Variants in PRKCE observed in about 807,000 individuals in gnomAD.
The protein encoded by PRKCE is protein kinase C epsilon.
A neutral mutation model predicts 85.4 loss-of-function variants in PRKCE; 16 were observed. The observed-to-expected ratio is 0.19, with a 90% CI of 0.13 to 0.28. The LOEUF (loss-of-function observed/expected upper bound fraction) is 0.28. Ranked by LOEUF, PRKCE falls within the 10% of genes least tolerant of loss-of-function variation. PRKCE has a pLI of 1.00. For missense variants in PRKCE, 573 were observed against 975.2 expected (o/e 0.59, Z 5.49); for synonymous variants, 388 against 371.5 (o/e 1.04, Z -0.51).
chr2:46,086,544 TTGAA>T (rs1250232563), intron 11 of PRKCE, among the ~76,000 whole-genome samples, 182 bp downstream of exon 11: 2 of 152,216 alleles, frequency 1.3e-5, no homozygotes, highest in Non-Finnish European at 2.9e-5. Flanking sequence ...ATGTTAGTAT[TTGAA>T]TGGCCCTGGG....
intron 10 of PRKCE, among the ~76,000 whole-genome samples, chr2:46,070,833 G>A (rs1374152496): frequency 6.6e-5 from 10 of 152,252 alleles, no homozygotes; most frequent in Non-Finnish European, 1.2e-4. Context: ...CTGTATCTTT[G>A]TGTCAAATGT....
intron 11 of PRKCE, among the ~76,000 whole-genome samples, chr2:46,136,085 C>T (rs143112409): frequency 2.0e-5 from 3 of 152,160 alleles, no homozygotes; most frequent in Admixed American, 6.5e-5. Flanking sequence ...TAATCTCCCT[C>T]GAGGGCCTGC....
intron 1 of PRKCE, among the ~76,000 whole-genome samples, chr2:45,661,686 G>A (rs1019176536): frequency 3.4e-5 from 5 of 147,886 alleles, no homozygotes; most frequent in Non-Finnish European, 7.4e-5. Context: ...CCGCCACCAC[G>A]CCCAGCTAAT....
chr2:46,085,256 C>A (rs1669482897), intron 10 of PRKCE, among the ~76,000 whole-genome samples: 1 of 152,138 alleles, frequency 6.6e-6, no homozygotes, highest in Non-Finnish European at 1.5e-5. Context: ...GGCTGCCTTG[C>A]AGGAGGAAAC....
chr2:45,742,058 G>A (rs765014866), intron 1 of PRKCE, among the ~76,000 whole-genome samples: 4 of 152,096 alleles, frequency 2.6e-5, no homozygotes, highest in South Asian at 2.1e-4. Context: ...GGAATTTCTC[G>A]GATATCACAC....
At chr2:45,725,900 A>G (rs1299818214) in intron 1 of PRKCE, among the ~76,000 whole-genome samples, 1 of 152,152 alleles carries the variant, frequency 6.6e-6, no homozygotes, top group Non-Finnish European at 1.5e-5. Context: ...GGAGGTGAAA[A>G]TTTCAACATT....
At chr2:45,870,246 A>T (rs949404280) in intron 2 of PRKCE, among the ~76,000 whole-genome samples, 9 of 152,190 alleles carry the variant, frequency 5.9e-5, no homozygotes, top group African/African-American at 1.9e-4. Context: ...GTTGCTAGAA[A>T]TGCAGAACCC....
In PRKCE at chr2:46,086,269, G is replaced by A. The variant is rs748930507; in HGVS notation, c.1499G>A (p.Arg500His). ...GGAGACCTCATGTTTCAGATTCAGC[G>A]CTCCCGAAAATTCGACGAGCCTCGT... ...NGGDLMFQIQ[R>H]SRKFDEPRSR... Residue 500 changes from arginine (R) to histidine (H), a missense_variant, in exon 11 of 15, where the codon CGC (arginine) becomes CAC (histidine). Physicochemically the swap from Arg to His is conservative, Grantham distance 29 (BLOSUM62 0). This residue lies in a region of PRKCE where 89 missense variants were observed against 154.1 expected (regional missense o/e 0.58). Coordinates refer to ENST00000306156, the MANE Select transcript of PRKCE (RefSeq NM_005400.3). The A allele has an allele frequency of 6.9e-6, 11 of 1,599,512 alleles. No individual in the cohort carries two copies. The highest frequency in any genetic ancestry group is 4.4e-5 in the South Asian group (4 of 91,076).
At chr2:45,935,959 G>A (rs1188265334) in intron 2 of PRKCE, among the ~76,000 whole-genome samples, 1 of 152,240 alleles carries the variant, frequency 6.6e-6, no homozygotes, top group Non-Finnish European at 1.5e-5. Context: ...AGTGCCTGGT[G>A]ATGGCTGGGG....
rs1432578043 is a variant in PRKCE at position 45,652,750 on chromosome 2, C to G, written c.348+302C>G. ...TGGGCCACTGGTGCTGAAGGTTGGC[C>G]GAGGACCCGGCTTTCTTCCGCAGGC... On this transcript the variant is annotated intron_variant, in intron 1 of 14. Coordinates refer to ENST00000306156, the MANE Select transcript of PRKCE (RefSeq NM_005400.3). The surrounding 1 kb of genome is among the most constrained non-coding windows in gnomAD (Gnocchi z 7.7). Among the ~76,000 whole-genome samples the G allele has an allele frequency of 6.6e-6, 1 of 152,124 alleles. No individual in the cohort carries two copies. The highest frequency in any genetic ancestry group is 6.5e-5 in the Admixed American group (1 of 15,276).
chr2:46,123,990 C>T (rs1269424509), intron 11 of PRKCE, among the ~76,000 whole-genome samples: 1 of 152,238 alleles, frequency 6.6e-6, no homozygotes, highest in Non-Finnish European at 1.5e-5. Flanking sequence ...TTCACCAAGC[C>T]ATCCTGGGTT....
intron 2 of PRKCE, among the ~76,000 whole-genome samples, chr2:45,856,785 A>G (rs962770093): frequency 6.6e-6 from 1 of 152,090 alleles, no homozygotes; most frequent in Non-Finnish European, 1.5e-5. Context: ...GATTCCACCT[A>G]TGAGTGAGAT....
intron 10 of PRKCE, among the ~76,000 whole-genome samples, chr2:46,034,698 G>A (rs530592265): frequency 6.6e-6 from 1 of 152,322 alleles, no homozygotes; most frequent in Non-Finnish European, 1.5e-5. Flanking sequence ...CCAGGGCGGG[G>A]ATCCTGTCTG....
chr2:46,101,280 T>C (rs931650533), intron 11 of PRKCE, among the ~76,000 whole-genome samples: 9 of 152,034 alleles, frequency 5.9e-5, no homozygotes, highest in East Asian at 1.9e-4. Flanking sequence ...AGAGTTATGA[T>C]AGAAAAAAAT....
chr2:45,779,203 G>C (rs553256329), intron 1 of PRKCE, among the ~76,000 whole-genome samples: 1 of 152,316 alleles, frequency 6.6e-6, no homozygotes, highest in East Asian at 1.9e-4. Flanking sequence ...TTTCCTCTAA[G>C]AATGCGCTGT....
chr2:46,033,855 AT>A (rs1223624608), intron 10 of PRKCE, among the ~76,000 whole-genome samples: 2 of 152,096 alleles, frequency 1.3e-5, no homozygotes, highest in East Asian at 3.9e-4. Context: ...GGACTGTAGG[AT>A]TTGCACTGAT....
chr2:45,777,504 C>G (rs1397511573), intron 1 of PRKCE, among the ~76,000 whole-genome samples: 3 of 152,170 alleles, frequency 2.0e-5, no homozygotes, highest in Non-Finnish European at 4.4e-5. Context: ...TCATACCCCT[C>G]AGCTGATGAG....
chr2:45,817,158 C>T (rs1431408899), intron 1 of PRKCE, among the ~76,000 whole-genome samples: 2 of 151,090 alleles, frequency 1.3e-5, no homozygotes, highest in African/African-American at 4.9e-5. Flanking sequence ...TTGGGCAACG[C>T]TTTGCAGCCC....
At chr2:46,163,225 G>A (rs1460952388) in intron 14 of PRKCE, among the ~76,000 whole-genome samples, 2 of 152,210 alleles carry the variant, frequency 1.3e-5, no homozygotes, top group Non-Finnish European at 1.5e-5. Flanking sequence ...GGAGAGCCAT[G>A]GGGAAGTGGA....
Sources: allele counts gnomAD v4.1 joint callset (sites outside exome capture counted in the v4.1 genomes callset), GRCh38; gene constraint gnomAD v4.1.1; regional missense constraint gnomAD v4.1.1; non-coding constraint Gnocchi (gnomAD v3.1); transcripts MANE v1.5; gene names NCBI Gene and HGNC (gene_info 2026-07-23, HGNC 2026-07-21).